CLPSL1: variants seen among roughly 807,000 people sequenced by gnomAD.
CLPSL1 encodes the protein colipase-like protein 1.
In CLPSL1, 13 loss-of-function variants were observed where a neutral mutation model predicts 9.3. That is an observed-to-expected ratio of 1.40 (90% CI 0.91 to 2.22). The LOEUF is 2.22. Among genes scored for constraint, CLPSL1 ranks in the 30% most tolerant of loss-of-function variants. The probability of loss-of-function intolerance (pLI) is 0.00; values close to 1 mark genes in which losing one functional copy is unlikely to be tolerated. For synonymous variants in CLPSL1, 58 were observed against 56.9 expected (o/e 1.02, Z -0.08); for missense variants, 164 against 146.6 (o/e 1.12, Z -0.61).
intron 1 of CLPSL1, among the ~76,000 whole-genome samples, chr6:35,783,910 G>A (rs1278213696): frequency 1.3e-5 from 2 of 151,748 alleles, no homozygotes; most frequent in African/African-American, 2.4e-5. Context: ...CCTCTCTAGA[G>A]CTGTGTGTGT....
downstream of CLPSL1, among the ~76,000 whole-genome samples, chr6:35,792,012 G>A (rs1267849857): frequency 6.6e-6 from 1 of 152,188 alleles, no homozygotes; most frequent in Non-Finnish European, 1.5e-5. Context: ...CTTGAACCTG[G>A]GAGGCAGAGG....
intron 1 of CLPSL1, among the ~76,000 whole-genome samples, chr6:35,783,748 C>T (rs1212116320): frequency 1.4e-5 from 2 of 146,072 alleles, no homozygotes; most frequent in South Asian, 4.3e-4. Context: ...GCACAGCTTG[C>T]AGTGAGCCGA....
chr6:35,784,008 A>G (rs1768021286), intron 1 of CLPSL1, among the ~76,000 whole-genome samples: 1 of 152,092 alleles, frequency 6.6e-6, no homozygotes, highest in African/African-American at 2.4e-5. Flanking sequence ...GGTTAGGGAC[A>G]CACCTGTGAT....
At chr6:35,781,278 G>A (rs1767962534) in intron 1 of CLPSL1, 69 bp downstream of exon 1, 1 of 1,572,142 alleles carries the variant, frequency 6.4e-7, no homozygotes, top group Non-Finnish European at 8.6e-7. Context: ...TTGGGGAGGT[G>A]AGCGGGCATG....
intron 1 of CLPSL1, 30 bp downstream of exon 1, chr6:35,781,239 C>G (rs749533262): frequency 5.6e-6 from 9 of 1,609,822 alleles, no homozygotes; most frequent in Non-Finnish European, 7.6e-6. Flanking sequence ...CAGTCACCTC[C>G]CCCTCCACTG....
chr6:35,792,094 C>CGCAAAAATAAATAA, downstream of CLPSL1, among the ~76,000 whole-genome samples: 1 of 98,062 alleles, frequency 1.0e-5, no homozygotes, highest in African/African-American at 4.0e-5. Context: ...TTCCCCCCGC[C>CGCAAAAATAAATAA]ACAAAAATAA....
intron 2 of CLPSL1, 89 bp from the exon 3 acceptor site, chr6:35,787,778 A>C (rs1768111514): frequency 7.9e-7 from 1 of 1,267,716 alleles, no homozygotes; most frequent in Non-Finnish European, 1.1e-6. Context: ...GTGGGCAAGC[A>C]CATGGGCCCT....
At chr6:35,786,961 G>A in intron 1 of CLPSL1, 37 bp from the exon 2 acceptor site, 1 of 1,553,024 alleles carries the variant, frequency 6.4e-7, no homozygotes, top group African/African-American at 1.4e-5. Flanking sequence ...CGGAAGGCGG[G>A]CGGTGGAGCC....
chr6:35,786,869 T>C, intron 1 of CLPSL1, 129 bp from the exon 2 acceptor site: 2 of 1,226,206 alleles, frequency 1.6e-6, no homozygotes, highest in Non-Finnish European at 1.1e-6. Context: ...CCACCCTGCC[T>C]GGCAGGAGCC....
At chr6:35,788,313 G>C (rs984922655), downstream of CLPSL1, among the ~76,000 whole-genome samples, 2 of 152,228 alleles carry the variant, frequency 1.3e-5, no homozygotes, top group African/African-American at 4.8e-5. Context: ...CCCCAGAAGA[G>C]ACCAAAGCTC....
At chr6:35,786,469 C>G (rs1561940828) in intron 1 of CLPSL1, among the ~76,000 whole-genome samples, 1 of 152,216 alleles carries the variant, frequency 6.6e-6, no homozygotes, top group Non-Finnish European at 1.5e-5. Context: ...GTGCCTGGAA[C>G]AGTGCCTGGC....
At chr6:35,789,784 C>T (rs1487905157), downstream of CLPSL1, among the ~76,000 whole-genome samples, 1 of 152,212 alleles carries the variant, frequency 6.6e-6, no homozygotes, top group Non-Finnish European at 1.5e-5. Flanking sequence ...GTCCCAGCTA[C>T]TCAGGGGGCT....
downstream of CLPSL1, among the ~76,000 whole-genome samples, chr6:35,791,790 G>A (rs1254405099): frequency 3.3e-5 from 5 of 151,994 alleles, no homozygotes; most frequent in African/African-American, 4.8e-5. Flanking sequence ...AATTAACTCC[G>A]GGCATGGAGG....
At chr6:35,789,748 G>A (rs984596512), downstream of CLPSL1, among the ~76,000 whole-genome samples, 1 of 152,206 alleles carries the variant, frequency 6.6e-6, no homozygotes, top group African/African-American at 2.4e-5. Flanking sequence ...ACAAAAATTA[G>A]CTGGGTGTGG....
chr6:35,781,751 TTTTC>T (rs1163506658), intron 1 of CLPSL1, among the ~76,000 whole-genome samples: 33 of 119,010 alleles, frequency 2.8e-4, no homozygotes, highest in African/African-American at 9.7e-4. Flanking sequence ...TTCTTTTTCT[TTTTC>T]TTTTTTTTGG....
chr6:35,786,724 G>A (rs1042496097), intron 1 of CLPSL1, among the ~76,000 whole-genome samples: 4 of 152,232 alleles, frequency 2.6e-5, no homozygotes, highest in African/African-American at 9.6e-5. Flanking sequence ...AGAGAGACAG[G>A]AAAGTCTAGA....
chr6:35,787,929 G>T lies in CLPSL1; in HGVS notation c.285G>T (p.Lys95Asn). The T allele has an allele frequency of 6.2e-7, 1 of 1,611,996 alleles. No homozygotes were observed. The highest frequency in any genetic ancestry group is 1.6e-4 in the Middle Eastern group (1 of 6,062). The change falls in exon 3 of 3, where the codon AAG becomes AAT. Residue 95 changes from lysine (K) to asparagine (N), a missense_variant. Lys to Asn is a moderately conservative substitution (Grantham distance 94, BLOSUM62 0). Coordinates refer to ENST00000373861, the MANE Select transcript of CLPSL1 (RefSeq NM_001010886.5). ...CLRNLTCIYS[K>N]NEKWLSIAYG... ...GGAACCTGACTTGTATATATTCAAA[G>T]AATGAGAAATGGCTTAGCATCGCCT...
chr6:35,784,939 A>G (rs1768038690), intron 1 of CLPSL1, among the ~76,000 whole-genome samples: 3 of 152,162 alleles, frequency 2.0e-5, no homozygotes, highest in Admixed American at 2.0e-4. Flanking sequence ...AAGAGTCCCA[A>G]GTGGGCAACT....
chr6:35,782,260 A>G (rs79646478), intron 1 of CLPSL1, among the ~76,000 whole-genome samples: 3,003 of 152,256 alleles, frequency 0.02, 97 homozygotes, highest in African/African-American at 0.068. Context: ...AAGAGGAGTA[A>G]GAGAGAGTGG....
Sources: allele counts gnomAD v4.1 joint callset (sites outside exome capture counted in the v4.1 genomes callset), GRCh38; gene constraint gnomAD v4.1.1; transcripts MANE v1.5; gene names NCBI Gene and HGNC (gene_info 2026-07-23, HGNC 2026-07-21).